Variants in STK32B observed in about 807,000 individuals in gnomAD.
The protein encoded by STK32B is serine/threonine kinase 32B.
In STK32B, 43 loss-of-function variants were observed where a neutral mutation model predicts 52.6. The observed-to-expected ratio is 0.82, with a 90% CI of 0.64 to 1.05. STK32B has a LOEUF of 1.05. Among genes scored for constraint, STK32B ranks in the 50% least tolerant of loss-of-function variants. The probability of loss-of-function intolerance (pLI) is 0.00; values close to 1 mark genes in which losing one functional copy is unlikely to be tolerated. For synonymous variants in STK32B, 238 were observed against 204.3 expected, an observed-to-expected ratio of 1.17 and a Z score of -1.41; for missense variants, 621 against 534.6, an observed-to-expected ratio of 1.16 and a Z score of -1.59.
chr4:5,334,913 A>C (rs1732538557), intron 4 of STK32B, among the ~76,000 whole-genome samples: 1 of 151,898 alleles, frequency 6.6e-6, no homozygotes, highest in African/African-American at 2.4e-5. Context: ...ATCAATGTTC[A>C]TCAAGGATAT....
chr4:5,484,205 A>G (rs750023961), intron 11 of STK32B, among the ~76,000 whole-genome samples: 6 of 152,122 alleles, frequency 3.9e-5, no homozygotes, highest in Non-Finnish European at 7.3e-5. Context: ...GTCTCCCATT[A>G]TTATTGTGTT....
chr4:5,274,001 GAAACAAAA>G (rs1488522819), intron 3 of STK32B, among the ~76,000 whole-genome samples: 2 of 150,170 alleles, frequency 1.3e-5, no homozygotes, highest in South Asian at 2.1e-4. Flanking sequence ...TAAAAAAAAA[GAAACAAAA>G]AAACAAAACA....
intron 3 of STK32B, among the ~76,000 whole-genome samples, chr4:5,293,166 C>A (rs991205022): frequency 6.6e-6 from 1 of 151,950 alleles, no homozygotes; most frequent in African/African-American, 2.4e-5. Flanking sequence ...GTATAAGTAC[C>A]ACATTTTCTT....
chr4:5,444,927 C>T (rs1261805033), intron 6 of STK32B, among the ~76,000 whole-genome samples: 1 of 152,194 alleles, frequency 6.6e-6, no homozygotes, highest in East Asian at 1.9e-4. Flanking sequence ...ATCTAAGGGA[C>T]ATGTTCTCAA....
intron 2 of STK32B, 61 bp downstream of exon 2, chr4:5,140,021 G>A: frequency 1.3e-6 from 2 of 1,598,680 alleles, no homozygotes; most frequent in Non-Finnish European, 1.7e-6. Context: ...GTGTGTCTGT[G>A]TGTTGGTTGC....
chr4:5,461,476 C>T (rs554719301), intron 9 of STK32B, among the ~76,000 whole-genome samples: 54 of 152,296 alleles, frequency 3.5e-4, no homozygotes, highest in African/African-American at 1.3e-3. Context: ...GCTTCCAGAC[C>T]TTTTTCACAA....
intron 11 of STK32B, among the ~76,000 whole-genome samples, chr4:5,476,852 G>A (rs1313170385): frequency 6.6e-6 from 1 of 151,396 alleles, no homozygotes; most frequent in Non-Finnish European, 1.5e-5. Flanking sequence ...AGAAGGCCAT[G>A]TGCAGGTGCA....
At chr4:5,062,445 G>A (rs2108759334) in intron 1 of STK32B, among the ~76,000 whole-genome samples, 1 of 152,258 alleles carries the variant, frequency 6.6e-6, no homozygotes, top group Non-Finnish European at 1.5e-5. Flanking sequence ...CTCCTTGAAT[G>A]TCCTCCACTC....
chr4:5,408,432 T>C (rs765280656), intron 5 of STK32B, among the ~76,000 whole-genome samples: 9 of 152,096 alleles, frequency 5.9e-5, no homozygotes, highest in Non-Finnish European at 1.0e-4. Flanking sequence ...TTCACCATGA[T>C]TGTACATTTT....
chr4:5,499,087 C>G lies in STK32B; in HGVS notation c.*4C>G, dbSNP rs750523776. 1.9e-6 allele frequency: 3 copies of G among 1,607,602 alleles called. No individual in the cohort carries two copies. The East Asian group carries it at 6.7e-5, about 36-fold the overall frequency. Reference sequence around the variant, plus strand: ...CACCCGTGGCTGCAGCAGCTGAGCCCACACTTGTTGCTGCTCAACAGGACT... The same window carrying G: ...CACCCGTGGCTGCAGCAGCTGAGCCGACACTTGTTGCTGCTCAACAGGACT... On this transcript the variant is annotated 3_prime_UTR_variant, in exon 12 of 12. Coordinates refer to ENST00000282908, the MANE Select transcript of STK32B (RefSeq NM_018401.3).
At chr4:5,064,433 CATATA>C (rs1446710337) in intron 1 of STK32B, among the ~76,000 whole-genome samples, 1 of 80,964 alleles carries the variant, frequency 1.2e-5, no homozygotes, top group African/African-American at 4.0e-5. Context: ...TACTTATATA[CATATA>C]ATATATAAAT....
intron 6 of STK32B, among the ~76,000 whole-genome samples, chr4:5,444,250 G>T (rs1007188758): frequency 6.6e-6 from 1 of 152,208 alleles, no homozygotes; most frequent in African/African-American, 2.4e-5. Context: ...AGCAATCAGC[G>T]AGACTCCGTG....
At chr4:5,171,454 G>T (rs1719365632) in intron 3 of STK32B, among the ~76,000 whole-genome samples, 1 of 152,184 alleles carries the variant, frequency 6.6e-6, no homozygotes, top group Non-Finnish European at 1.5e-5. Context: ...TAACATGTAA[G>T]TCTTTAATCC....
intron 2 of STK32B, among the ~76,000 whole-genome samples, chr4:5,146,250 A>G (rs1283555159): frequency 1.3e-5 from 2 of 152,156 alleles, no homozygotes; most frequent in African/African-American, 4.8e-5. Flanking sequence ...TTAAGGAGCA[A>G]GGAAGACAGT....
At position 5,395,944 on chromosome 4, in the gene STK32B, G is replaced by A. The variant is rs145892141; in HGVS notation, c.435-2263G>A. Among the ~76,000 whole-genome samples, 1,864 of 152,292 alleles carry A rather than the reference G, an allele frequency of 0.012. 23 individuals carry two copies. Among genetic ancestry groups the A allele is most frequent in the South Asian group, 0.058 (277 of 4,816 alleles). On this transcript the variant is annotated intron_variant, in intron 4 of 11. Coordinates refer to ENST00000282908, the MANE Select transcript of STK32B (RefSeq NM_018401.3). The surrounding 1 kb of genome is among the most constrained non-coding windows in gnomAD (Gnocchi z 4.4). ...CTCAGGATATGAGACAATGTGCGCC[G>A]GTGCAATGTGGATGTGGGGGCGTGG...
At chr4:5,332,824 C>G (rs1010693349) in intron 4 of STK32B, among the ~76,000 whole-genome samples, 2 of 152,204 alleles carry the variant, frequency 1.3e-5, no homozygotes, top group Non-Finnish European at 2.9e-5. Context: ...AGGACATGAA[C>G]TCATCATTTT....
intron 6 of STK32B, among the ~76,000 whole-genome samples, chr4:5,427,772 A>G (rs1382258547): frequency 1.3e-5 from 2 of 152,078 alleles, no homozygotes; most frequent in African/African-American, 4.8e-5. Context: ...TGAATTGGTA[A>G]TTGATGTTTT....
chr4:5,473,412 G>C (rs1717996256), intron 11 of STK32B, among the ~76,000 whole-genome samples: 2 of 152,174 alleles, frequency 1.3e-5, no homozygotes, highest in Non-Finnish European at 2.9e-5. Flanking sequence ...CCCTTTTATT[G>C]GGTGTTCACT....
intron 4 of STK32B, among the ~76,000 whole-genome samples, chr4:5,393,521 T>G (rs1577437611): frequency 1.3e-5 from 2 of 152,182 alleles, no homozygotes; most frequent in Non-Finnish European, 2.9e-5. Flanking sequence ...GCTTGGATTC[T>G]TGGGAGGCCT....
Sources: allele counts gnomAD v4.1 joint callset (sites outside exome capture counted in the v4.1 genomes callset), GRCh38; gene constraint gnomAD v4.1.1; non-coding constraint Gnocchi (gnomAD v3.1); transcripts MANE v1.5; gene names NCBI Gene and HGNC (gene_info 2026-07-23, HGNC 2026-07-21).